Variants in SLC12A1 observed in about 807,000 individuals in gnomAD.
The protein encoded by SLC12A1 is Na-K-2Cl cotransporter.
SLC12A1 carries 89 observed loss-of-function variants against 130.4 expected under a neutral mutation model. The ratio of observed to expected loss-of-function variants is 0.68; its 90% CI spans 0.58 to 0.81. The LOEUF (loss-of-function observed/expected upper bound fraction) is 0.81. Ranked by LOEUF, SLC12A1 falls within the 40% of genes least tolerant of loss-of-function variation. The probability of loss-of-function intolerance (pLI) is 0.00; values close to 1 mark genes in which losing one functional copy is unlikely to be tolerated. For missense variants in SLC12A1, 1,310 were observed against 1,336.4 expected, an observed-to-expected ratio of 0.98 and a Z score of 0.31; for synonymous variants, 499 against 460.0, an observed-to-expected ratio of 1.08 and a Z score of -1.09.
At chr15:48,254,530 T>C (rs12593807) in intron 15 of SLC12A1, among the ~76,000 whole-genome samples, 39,915 of 144,196 alleles carry the variant, frequency 0.28, 7,525 homozygotes, top group African/African-American at 0.53. Context: ...GGTGTATCTG[T>C]ACATTCTTGT....
At chr15:48,286,480 A>G (rs937229437) in intron 21 of SLC12A1, among the ~76,000 whole-genome samples, 4 of 152,218 alleles carry the variant, frequency 2.6e-5, no homozygotes, top group African/African-American at 9.6e-5. Flanking sequence ...CTGTGAAAAA[A>G]GTTAACAATC....
At chr15:48,240,496 T>G (rs1237321788) in intron 9 of SLC12A1, among the ~76,000 whole-genome samples, 1 of 152,220 alleles carries the variant, frequency 6.6e-6, no homozygotes, top group Non-Finnish European at 1.5e-5. Flanking sequence ...GATTCAGTTG[T>G]GACTTCCAGT....
intron 2 of SLC12A1, among the ~76,000 whole-genome samples, chr15:48,213,968 G>C (rs564180706): frequency 3.9e-5 from 6 of 152,120 alleles, no homozygotes; most frequent in Admixed American, 1.3e-4. Flanking sequence ...AAAAATGTAC[G>C]AATGTTTTCT....
intron 26 of SLC12A1, among the ~76,000 whole-genome samples, chr15:48,302,252 T>C (rs2042240520): frequency 6.6e-6 from 1 of 152,214 alleles, no homozygotes; most frequent in East Asian, 1.9e-4. Context: ...ATAGATAGTA[T>C]TACCTGAAAA....
chr15:48,230,433 G>A lies in SLC12A1; in HGVS notation c.905G>A (p.Arg302Gln), dbSNP rs747229048. ...ATGGTGGATCCAACCAATGACATCC[G>A]GATTATAGGCTCCATCACAGTGGTG... ...SMMVDPTNDI[R>Q]IIGSITVVIL... Residue 302 changes from arginine to glutamine, a missense_variant, in exon 7 of 27, where the codon CGG (arginine) becomes CAG (glutamine). Coordinates refer to ENST00000380993, the MANE Select transcript of SLC12A1 (RefSeq NM_000338.3). 25 of 1,612,816 alleles carry A rather than the reference G, an allele frequency of 1.6e-5. No homozygotes were observed. The highest frequency in any genetic ancestry group is 1.1e-4 in the African/African-American group (8 of 74,898).
intron 11 of SLC12A1, among the ~76,000 whole-genome samples, chr15:48,246,438 CT>C (rs1275406031): frequency 1.3e-5 from 2 of 152,056 alleles, no homozygotes; most frequent in African/African-American, 4.8e-5. Flanking sequence ...CATTTATTAT[CT>C]TATAAATAAC....
intron 12 of SLC12A1, 75 bp downstream of exon 12, chr15:48,247,091 TTCTCACTGGCAATCATTTTCCA>T (rs1422904977): frequency 1.6e-6 from 2 of 1,232,718 alleles, no homozygotes; most frequent in Non-Finnish European, 2.4e-6. Flanking sequence ...GAAATATTCG[TTCTCACTGGCAATCATTTTCCA>T]TCATTTTCTG....
chr15:48,256,434 A>G (rs963413780), intron 16 of SLC12A1, among the ~76,000 whole-genome samples: 24 of 152,210 alleles, frequency 1.6e-4, no homozygotes, highest in African/African-American at 5.8e-4. Flanking sequence ...GAAAAAGGAC[A>G]GGGGGACTGT....
At chr15:48,223,339 C>T (rs1405457798) in intron 4 of SLC12A1, 1 of 152,102 alleles carries the variant, frequency 6.6e-6, no homozygotes, top group Non-Finnish European at 1.5e-5. Context: ...AATAAGCACC[C>T]CAGGCATTTC....
At chr15:48,267,082 G>A (rs982834182) in intron 17 of SLC12A1, among the ~76,000 whole-genome samples, 6 of 152,142 alleles carry the variant, frequency 3.9e-5, no homozygotes, top group African/African-American at 1.4e-4. Flanking sequence ...CAGCCAAATA[G>A]AATTGACAAG....
chr15:48,259,968 A>G (rs570471532), intron 17 of SLC12A1, among the ~76,000 whole-genome samples: 30 of 152,168 alleles, frequency 2.0e-4, no homozygotes, highest in Non-Finnish European at 4.0e-4. Flanking sequence ...GCATTAAAAT[A>G]ATAATAAAAT....
chr15:48,297,617 A>G (rs754202236), intron 24 of SLC12A1, among the ~76,000 whole-genome samples: 10 of 152,246 alleles, frequency 6.6e-5, no homozygotes, highest in Non-Finnish European at 1.3e-4. Context: ...GTATACGAAG[A>G]GCTTAAACAG....
intron 2 of SLC12A1, 37 bp downstream of exon 2, chr15:48,208,176 T>C: frequency 1.3e-6 from 2 of 1,520,486 alleles, no homozygotes; most frequent in Non-Finnish European, 1.8e-6. Flanking sequence ...TCCTCCCTTA[T>C]TCATAACTTC....
intron 8 of SLC12A1, 60 bp downstream of exon 8, chr15:48,232,898 C>T: frequency 9.9e-7 from 1 of 1,011,884 alleles, no homozygotes; most frequent in Non-Finnish European, 1.5e-6. Flanking sequence ...TCCTCATCAC[C>T]ATCCCCATCA....
chr15:48,292,465 T>C (rs1305599184), intron 24 of SLC12A1, among the ~76,000 whole-genome samples: 1 of 152,218 alleles, frequency 6.6e-6, no homozygotes, highest in Non-Finnish European at 1.5e-5. Context: ...TTAAATATCT[T>C]CAAAATGTGA....
In SLC12A1 at chr15:48,221,311, A is replaced by T. The variant is rs2041212855; in HGVS notation, c.628+315A>T. On this transcript the variant is annotated intron_variant, in intron 4 of 26. Coordinates refer to ENST00000380993, the MANE Select transcript of SLC12A1 (RefSeq NM_000338.3). ...TAATAATATTTGTATTGGGGGACAT[A>T]TTGACATTTGCCTCTCATTTGTTAC... The T allele has an allele frequency of 4.3e-6, 3 of 701,836 alleles. No homozygotes were observed. The East Asian group carries it at 8.1e-5, about 19-fold the overall frequency. 43.5% of individuals were successfully genotyped at this position (701,836 alleles called of 1,614,324 possible).
In SLC12A1 at chr15:48,262,784, G is replaced by A. The variant is rs143053646; in HGVS notation, c.2154+3473G>A. On this transcript the variant is annotated intron_variant, in intron 17 of 26. Coordinates refer to ENST00000380993, the MANE Select transcript of SLC12A1 (RefSeq NM_000338.3). ...CCTATCATTTTTATCACCATAGGAA[G>A]ACAGAGGGAGGAAAACTCCACCTTG... 9.2e-5 allele frequency among the ~76,000 whole-genome samples: 14 copies of A among 152,292 alleles called. No individual in the cohort carries two copies. The East Asian group carries it at 1.9e-3, about 21-fold the overall frequency.
chr15:48,206,728 T>G (rs990117027), intron 1 of SLC12A1, among the ~76,000 whole-genome samples: 1 of 152,194 alleles, frequency 6.6e-6, no homozygotes, highest in Non-Finnish European at 1.5e-5. Flanking sequence ...AATATAAACC[T>G]CTCAATTATT....
At chr15:48,301,538 G>A (rs555947476) in intron 26 of SLC12A1, among the ~76,000 whole-genome samples, 156 bp downstream of exon 26, 58 of 148,256 alleles carry the variant, frequency 3.9e-4, no homozygotes, top group Non-Finnish European at 7.2e-4. Context: ...AGACAGTGAA[G>A]GAAGGTAAGT....
Sources: gnomAD v4.1 joint callset for allele counts (sites outside exome capture counted in the v4.1 genomes callset) on GRCh38, gnomAD v4.1.1 for gene constraint, MANE v1.5 for transcripts, NCBI Gene and HGNC (gene_info 2026-07-23, HGNC 2026-07-21) for gene names.